PTPRD: variants seen among roughly 807,000 people sequenced by gnomAD.
The protein encoded by PTPRD is receptor-type tyrosine-protein phosphatase delta.
PTPRD carries 34 observed loss-of-function variants against 214.5 expected under a neutral mutation model. The ratio of observed to expected loss-of-function variants is 0.16; its 90% confidence interval spans 0.12 to 0.21. The LOEUF is 0.21. Ranked by LOEUF, PTPRD falls within the 10% of genes least tolerant of loss-of-function variation. The pLI is 1.00. For synonymous variants in PTPRD, 1,128 were observed against 845.7 expected, an observed-to-expected ratio of 1.33 and a Z score of -5.79; for missense variants, 2,545 against 2,398.7, an observed-to-expected ratio of 1.06 and a Z score of -1.27.
At chr9:9,881,304 C>T (rs1313504787) in intron 5 of PTPRD, among the ~76,000 whole-genome samples, 21 of 152,064 alleles carry the variant, frequency 1.4e-4, no homozygotes, top group Admixed American at 9.2e-4. Context: ...TAATATCAGA[C>T]TCTACCATCA....
intron 2 of PTPRD, among the ~76,000 whole-genome samples, chr9:10,439,134 G>C (rs1004025865): frequency 2.0e-5 from 3 of 151,846 alleles, no homozygotes; most frequent in Non-Finnish European, 4.4e-5. Flanking sequence ...TCAACTCACA[G>C]CATGTTTTAA....
chr9:9,212,881 T>C (rs191056182), intron 9 of PTPRD, among the ~76,000 whole-genome samples: 94 of 152,230 alleles, frequency 6.2e-4, no homozygotes, highest in Non-Finnish European at 2.1e-4. Flanking sequence ...TTTCCTTCTA[T>C]AGTATGTGAC....
At chr9:8,464,702 C>G (rs1211521142) in intron 32 of PTPRD, among the ~76,000 whole-genome samples, 3 of 116,172 alleles carry the variant, frequency 2.6e-5, no homozygotes, top group Non-Finnish European at 5.1e-5. Flanking sequence ...TGCCTATCTA[C>G]AATATCTCTC....
chr9:10,590,777 G>C (rs1380300775), intron 2 of PTPRD, among the ~76,000 whole-genome samples: 1 of 151,712 alleles, frequency 6.6e-6, no homozygotes, highest in East Asian at 1.9e-4. Context: ...TCCTTTAGGA[G>C]TTTCACAAAT....
intron 11 of PTPRD, among the ~76,000 whole-genome samples, chr9:8,809,420 T>C (rs978342583): frequency 1.3e-5 from 2 of 152,126 alleles, no homozygotes; most frequent in African/African-American, 2.4e-5. Flanking sequence ...CAAGGTCTCA[T>C]AGGCCTAACA....
intron 2 of PTPRD, among the ~76,000 whole-genome samples, chr9:10,509,485 C>CTATA (rs2047225175): frequency 7.3e-6 from 1 of 137,606 alleles, no homozygotes. Flanking sequence ...ATCTATCTAT[C>CTATA]TATCTATCTA....
chr9:9,960,680 A>C (rs2094300081), intron 4 of PTPRD, among the ~76,000 whole-genome samples: 1 of 152,208 alleles, frequency 6.6e-6, no homozygotes, highest in Admixed American at 6.5e-5. Context: ...ACAGAGGGGC[A>C]TCCTGCAAAA....
intron 9 of PTPRD, among the ~76,000 whole-genome samples, chr9:9,259,025 AC>A (rs2099978961): frequency 6.6e-6 from 1 of 150,992 alleles, no homozygotes; most frequent in Non-Finnish European, 1.5e-5. Context: ...TAGTTTGAAT[AC>A]TCCCCTCTCT....
At chr9:8,919,733 A>T (rs2154268351) in intron 11 of PTPRD, among the ~76,000 whole-genome samples, 1 of 151,510 alleles carries the variant, frequency 6.6e-6, no homozygotes, top group African/African-American at 2.4e-5. Context: ...GCATGCATGC[A>T]CACACATACA....
At chr9:8,757,665 T>C (rs945331235) in intron 11 of PTPRD, among the ~76,000 whole-genome samples, 22 of 140,652 alleles carry the variant, frequency 1.6e-4, no homozygotes, top group East Asian at 8.0e-4. Context: ...CATATATATA[T>C]ACATACATAT....
chr9:9,673,248 A>G (rs1291292002), intron 7 of PTPRD, among the ~76,000 whole-genome samples: 1 of 151,938 alleles, frequency 6.6e-6, no homozygotes, highest in Non-Finnish European at 1.5e-5. Context: ...ATTAATTTTC[A>G]TTATTCCACC....
chr9:9,090,197 C>T (rs172863), intron 10 of PTPRD, among the ~76,000 whole-genome samples: 92,398 of 151,980 alleles, frequency 0.61, 28,916 homozygotes, highest in Non-Finnish European at 0.69. Context: ...ACCTACCTCT[C>T]TTCATCTCCC....
chr9:9,352,038 C>T (rs890945636), intron 9 of PTPRD, among the ~76,000 whole-genome samples: 4 of 151,802 alleles, frequency 2.6e-5, no homozygotes, highest in African/African-American at 7.3e-5. Context: ...AAACTCTTAG[C>T]CCCAAGGAAT....
rs188580854 is a variant in PTPRD at position 10,463,891 on chromosome 9, C to T, written c.-599-122874G>A. Among the ~76,000 whole-genome samples, 15 of 152,102 alleles carry T rather than the reference C, an allele frequency of 9.9e-5. No homozygotes were observed. In the South Asian group the frequency reaches 2.7e-3, roughly 27 times the overall value. ...TTTCATAAAATTTACCATCAAAATA[C>T]CCCTTTTATTCTGCAGAGGTTGAAA... On this transcript the variant is annotated intron_variant, in intron 2 of 45. Transcript: ENST00000381196.
At chr9:9,491,190 T>C (rs1359578026) in intron 8 of PTPRD, among the ~76,000 whole-genome samples, 3 of 151,812 alleles carry the variant, frequency 2.0e-5, no homozygotes, top group African/African-American at 7.2e-5. Context: ...AAATCAAACA[T>C]TTACAAGAGT....
At chr9:10,455,354 G>GTTT (rs1261163774) in intron 2 of PTPRD, among the ~76,000 whole-genome samples, 1 of 151,552 alleles carries the variant, frequency 6.6e-6, no homozygotes, top group Non-Finnish European at 1.5e-5. Flanking sequence ...TAATTTCAGT[G>GTTT]TTTTAGTTCC....
At chr9:9,474,987 G>T (rs1304005258) in intron 8 of PTPRD, among the ~76,000 whole-genome samples, 1 of 151,964 alleles carries the variant, frequency 6.6e-6, no homozygotes, top group African/African-American at 2.4e-5. Flanking sequence ...ACTTTTTTAA[G>T]GAGGAAAACA....
At chr9:9,767,445 T>A (rs184664130) in intron 5 of PTPRD, among the ~76,000 whole-genome samples, 4 of 151,914 alleles carry the variant, frequency 2.6e-5, no homozygotes, top group Non-Finnish European at 5.9e-5. Context: ...AAAGAGAAAA[T>A]AGAATTGCTG....
chr9:10,331,083 G>C (rs539778980), intron 3 of PTPRD, among the ~76,000 whole-genome samples: 17 of 151,920 alleles, frequency 1.1e-4, no homozygotes, highest in Admixed American at 9.9e-4. Flanking sequence ...CTCAACACCA[G>C]ATGCAGATGC....
Sources: gnomAD v4.1 joint callset for allele counts (sites outside exome capture counted in the v4.1 genomes callset) on GRCh38, gnomAD v4.1.1 for gene constraint, MANE v1.5 for transcripts, NCBI Gene and HGNC (gene_info 2026-07-23, HGNC 2026-07-21) for gene names.